GPATCH8: variants seen among roughly 807,000 people sequenced by gnomAD.
GPATCH8 encodes the protein G patch domain-containing protein 8.
GPATCH8 carries 18 observed loss-of-function variants against 118.3 expected under a neutral mutation model. That is an observed-to-expected ratio of 0.15 (90% CI 0.11 to 0.23). The LOEUF is 0.23. GPATCH8 is among the 10% of genes least tolerant of loss of function. GPATCH8 has a pLI of 1.00. For missense variants in GPATCH8, 1,631 were observed against 1,873.8 expected (o/e 0.87, Z 2.39); for synonymous variants, 659 against 684.7 (o/e 0.96, Z 0.59).
intron 2 of GPATCH8, among the ~76,000 whole-genome samples, chr17:44,470,494 C>CT (rs35343849): frequency 0.15 from 11,150 of 76,232 alleles, 1,133 homozygotes; most frequent in African/African-American, 0.18. Flanking sequence ...GCACCCAGCG[C>CT]TTTTTTTTTT....
intron 3 of GPATCH8, among the ~76,000 whole-genome samples, chr17:44,452,966 T>C (rs980768007): frequency 3.3e-5 from 5 of 152,294 alleles, no homozygotes; most frequent in South Asian, 2.1e-4. Context: ...TGGCTGGGAC[T>C]ACAGGCACAT....
At chr17:44,420,278 T>C (rs562590804) in intron 6 of GPATCH8, among the ~76,000 whole-genome samples, 20 of 152,328 alleles carry the variant, frequency 1.3e-4, no homozygotes, top group African/African-American at 4.6e-4. Context: ...AGATGAGCAC[T>C]TTATAAATGT....
intron 6 of GPATCH8, chr17:44,409,145 T>G (rs894747399): frequency 6.6e-6 from 1 of 152,234 alleles, no homozygotes; most frequent in African/African-American, 2.4e-5. Context: ...ATGGGAGTTC[T>G]GACCTGCTCT....
intron 5 of GPATCH8, among the ~76,000 whole-genome samples, chr17:44,427,225 G>A (rs1163620277): frequency 6.6e-6 from 1 of 151,944 alleles, no homozygotes; most frequent in Non-Finnish European, 1.5e-5. Context: ...ACAGGGGCAT[G>A]CCACTATGCC....
At chr17:44,490,118 G>A (rs1969127008) in intron 1 of GPATCH8, among the ~76,000 whole-genome samples, 2 of 151,804 alleles carry the variant, frequency 1.3e-5, no homozygotes, top group Admixed American at 6.6e-5. Flanking sequence ...GGAAACACAG[G>A]GACACCCTAT....
intron 6 of GPATCH8, among the ~76,000 whole-genome samples, chr17:44,422,439 C>T (rs962545635): frequency 1.3e-5 from 2 of 152,002 alleles, no homozygotes; most frequent in Admixed American, 1.3e-4. Flanking sequence ...ATCCTCCTGC[C>T]CTGGCTTTGC....
At chr17:44,429,521 G>A (rs1419728042) in intron 5 of GPATCH8, among the ~76,000 whole-genome samples, 3 of 151,956 alleles carry the variant, frequency 2.0e-5, no homozygotes, top group African/African-American at 4.8e-5. Context: ...TAAAAAACAT[G>A]TAAAACTAGG....
intron 1 of GPATCH8, among the ~76,000 whole-genome samples, chr17:44,489,205 C>T (rs1415940395): frequency 6.6e-6 from 1 of 152,018 alleles, no homozygotes; most frequent in African/African-American, 2.4e-5. Context: ...GTTAAGAGTG[C>T]ATAATGCTTA....
At chr17:44,488,336 A>C (rs949090847) in intron 1 of GPATCH8, among the ~76,000 whole-genome samples, 7 of 150,182 alleles carry the variant, frequency 4.7e-5, no homozygotes, top group African/African-American at 1.7e-4. Context: ...CTGGGACTAC[A>C]GGTGTGCACC....
chr17:44,500,640 T>C (rs1969987189), intron 1 of GPATCH8, among the ~76,000 whole-genome samples: 1 of 152,236 alleles, frequency 6.6e-6, no homozygotes, highest in Non-Finnish European at 1.5e-5. Context: ...TCTACAACTT[T>C]AAATCATCCT....
intron 3 of GPATCH8, among the ~76,000 whole-genome samples, chr17:44,462,001 A>C (rs2051571833): frequency 6.6e-6 from 1 of 152,162 alleles, no homozygotes; most frequent in Non-Finnish European, 1.5e-5. Context: ...CACCCTGCCT[A>C]AAATCTCCTT....
intron 2 of GPATCH8, chr17:44,465,265 T>A (rs1189096582): frequency 6.6e-6 from 1 of 152,126 alleles, no homozygotes; most frequent in African/African-American, 2.4e-5. Flanking sequence ...TGCTAAGATG[T>A]TAGAATGAAA....
intron 1 of GPATCH8, among the ~76,000 whole-genome samples, chr17:44,480,028 C>CA (rs1209035379): frequency 1.4e-4 from 21 of 149,680 alleles, no homozygotes; most frequent in East Asian, 5.9e-4. Flanking sequence ...TATTCCTTTT[C>CA]AAAAAAAAAT....
Position 44,502,103 on chromosome 17 carries a change from T to C in GPATCH8, c.45+1223A>G, listed in dbSNP as rs185396487. 1.6e-3 allele frequency among the ~76,000 whole-genome samples: 238 copies of C among 152,308 alleles called. 1 individual carries two copies. Among genetic ancestry groups the C allele is most frequent in the African/African-American group, 5.4e-3 (223 of 41,592 alleles). On this transcript the variant is annotated intron_variant, in intron 1 of 7. Coordinates refer to ENST00000591680, the MANE Select transcript of GPATCH8 (RefSeq NM_001002909.4). ...TTTTAACAGCCCCCAGATCCCTTAC[T>C]GCTGCAAAACTTCTCATAAGCGTTC...
At chr17:44,419,723 C>T (rs551608680) in intron 6 of GPATCH8, among the ~76,000 whole-genome samples, 4 of 151,748 alleles carry the variant, frequency 2.6e-5, no homozygotes, top group African/African-American at 9.7e-5. Context: ...TGCAGTGGCA[C>T]GAGCATAGCT....
Position 44,398,400 on chromosome 17 carries a change from G to A in GPATCH8, c.3677C>T (p.Thr1226Ile), listed in dbSNP as rs201037319. 1.2e-6 allele frequency: 2 copies of A among 1,613,998 alleles called. No individual in the cohort carries two copies. Among genetic ancestry groups the A allele is most frequent in the East Asian group, 2.2e-5 (1 of 44,882 alleles). ...AGGGTAGCAGTCAGAATGTGCTGGG[G>A]TGCCTAGTGGAGCCACAGGGTGATC... The part of the protein sequence containing the change: ...TADHPVAPLG[T>I]PAHSDCYPGD... The change falls in exon 8 of 8, where the codon ACC (threonine) becomes ATC (isoleucine). Residue 1226 changes from threonine (T) to isoleucine (I), a missense_variant. By Grantham distance (89) the Thr-to-Ile change is moderately conservative (BLOSUM62 -1). Transcript: ENST00000591680.
chr17:44,502,652 T>C (rs530878886), intron 1 of GPATCH8, among the ~76,000 whole-genome samples: 17 of 152,260 alleles, frequency 1.1e-4, no homozygotes, highest in Admixed American at 1.3e-4. Flanking sequence ...TTCTCACAAA[T>C]CTTTCGAGAT....
intron 1 of GPATCH8, among the ~76,000 whole-genome samples, chr17:44,488,954 C>T (rs1969012759): frequency 6.6e-6 from 1 of 150,846 alleles, no homozygotes; most frequent in Non-Finnish European, 1.5e-5. Context: ...GGCATGATGG[C>T]GGGTGCCTGT....
intron 1 of GPATCH8, among the ~76,000 whole-genome samples, chr17:44,481,710 A>G (rs1968259951): frequency 1.3e-5 from 2 of 152,344 alleles, no homozygotes; most frequent in South Asian, 4.1e-4. Flanking sequence ...TGGTGAAAAC[A>G]GGCTAAATAT....
Sources: gnomAD v4.1 joint callset for allele counts (sites outside exome capture counted in the v4.1 genomes callset) on GRCh38, gnomAD v4.1.1 for gene constraint, MANE v1.5 for transcripts, NCBI Gene and HGNC (gene_info 2026-07-23, HGNC 2026-07-21) for gene names.